The following ZBTB20 variants were observed in gnomAD, a reference collection of about 807,000 sequenced individuals.
The protein encoded by ZBTB20 is zinc finger and BTB domain-containing protein 20.
A neutral mutation model predicts 56.9 loss-of-function variants in ZBTB20; 9 were observed. The observed-to-expected ratio is 0.16, with a 90% confidence interval of 0.10 to 0.28. The LOEUF is 0.28. Ranked by LOEUF, ZBTB20 falls within the 10% of genes least tolerant of loss-of-function variation. The probability of loss-of-function intolerance (pLI) is 1.00; values close to 1 mark genes in which losing one functional copy is unlikely to be tolerated. For missense variants in ZBTB20, 655 were observed against 1,003.0 expected (o/e 0.65, Z 4.69); for synonymous variants, 417 against 420.7 (o/e 0.99, Z 0.11).
chr3:115,082,618 T>G (rs1242917108), intron 1 of ZBTB20, among the ~76,000 whole-genome samples: 1 of 152,008 alleles, frequency 6.6e-6, no homozygotes, highest in Admixed American at 6.6e-5. Context: ...GCCTTATACT[T>G]GAGCCTGAAT....
At chr3:114,675,127 C>T (rs1419598991) in intron 6 of ZBTB20, among the ~76,000 whole-genome samples, 1 of 150,050 alleles carries the variant, frequency 6.7e-6, no homozygotes, top group African/African-American at 2.4e-5. Context: ...ATTTTATTTG[C>T]TGTATAGCTA....
In ZBTB20 at chr3:114,315,567, C is replaced by CAGAG. The variant is rs201184862; in HGVS notation, c.*23437_*23438insCTCT. ...TGTGTGTATTTTAGGTCTAAACATA[C>CAGAG]AGTGTGTGTGTGTGTGTGTGTGTGT... On this transcript the variant is annotated 3_prime_UTR_variant, in exon 12 of 12. Transcript: ENST00000675478. 1 of 34,942 alleles carries CAGAG rather than the reference C, an allele frequency of 2.9e-5. No individual in the cohort carries two copies. Among genetic ancestry groups the CAGAG allele is most frequent in the African/African-American group, 9.2e-5 (1 of 10,918 alleles). The allele number at this position is 34,942 out of a possible 1,614,324, so 2.2% of individuals were successfully genotyped here.
intron 4 of ZBTB20, among the ~76,000 whole-genome samples, chr3:114,823,443 G>C (rs2108927472): frequency 6.6e-6 from 1 of 151,748 alleles, no homozygotes; most frequent in East Asian, 1.9e-4. Flanking sequence ...ATTTTCCAAA[G>C]AAAGGACTTA....
At chr3:115,025,662 T>C (rs1299751949) in intron 2 of ZBTB20, among the ~76,000 whole-genome samples, 1 of 150,498 alleles carries the variant, frequency 6.6e-6, no homozygotes, top group Non-Finnish European at 1.5e-5. Context: ...AGGAAAAAAA[T>C]TAGTATCTGT....
intron 7 of ZBTB20, 89 bp downstream of exon 7, chr3:114,500,263 A>G (rs2043794733): frequency 6.6e-6 from 1 of 152,220 alleles, no homozygotes; most frequent in African/African-American, 2.4e-5. Context: ...AACCACAACA[A>G]AGTCAACTAG....
intron 6 of ZBTB20, among the ~76,000 whole-genome samples, chr3:114,650,915 C>T (rs2060094858): frequency 6.6e-6 from 1 of 151,928 alleles, no homozygotes; most frequent in African/African-American, 2.4e-5. Context: ...TTTACAATAT[C>T]ATTTATCATT....
intron 1 of ZBTB20, among the ~76,000 whole-genome samples, chr3:115,071,933 C>T (rs1454385046): frequency 1.3e-5 from 2 of 152,070 alleles, no homozygotes; most frequent in Non-Finnish European, 2.9e-5. Flanking sequence ...GTCATGCATG[C>T]CAGAGGGATG....
chr3:114,367,968 T>C (rs1181842769), intron 10 of ZBTB20, among the ~76,000 whole-genome samples: 1 of 152,136 alleles, frequency 6.6e-6, no homozygotes, highest in Non-Finnish European at 1.5e-5. Flanking sequence ...CCTCAGTCGT[T>C]CTCAGGGGGA....
chr3:114,451,748 G>C (rs376301209), intron 7 of ZBTB20, among the ~76,000 whole-genome samples: 1 of 152,128 alleles, frequency 6.6e-6, no homozygotes, highest in Non-Finnish European at 1.5e-5. Context: ...AGGACACGTC[G>C]CCAAGAACTG....
At chr3:114,639,482 T>TC (rs1329883696) in intron 6 of ZBTB20, among the ~76,000 whole-genome samples, 1 of 65,796 alleles carries the variant, frequency 1.5e-5, no homozygotes, top group African/African-American at 6.0e-5. Context: ...TTTTTTTTTT[T>TC]CTCTCCTAGA....
At chr3:115,024,054 A>T (rs1422890617) in intron 2 of ZBTB20, among the ~76,000 whole-genome samples, 1 of 151,094 alleles carries the variant, frequency 6.6e-6, no homozygotes, top group East Asian at 1.9e-4. Flanking sequence ...AATGTATAGC[A>T]TATGGAAAGT....
At chr3:114,512,399 ACTT>A (rs2045508103) in intron 6 of ZBTB20, among the ~76,000 whole-genome samples, 1 of 152,118 alleles carries the variant, frequency 6.6e-6, no homozygotes, top group Admixed American at 6.6e-5. Flanking sequence ...ACTGGATTCT[ACTT>A]CTGCCCTCAA....
intron 2 of ZBTB20, among the ~76,000 whole-genome samples, chr3:115,058,879 T>G (rs2081913056): frequency 6.6e-6 from 1 of 152,214 alleles, no homozygotes; most frequent in South Asian, 2.1e-4. Context: ...TTTTCTCAGA[T>G]TGTGTGTGTG....
intron 4 of ZBTB20, among the ~76,000 whole-genome samples, chr3:114,850,706 A>T (rs910165627): frequency 1.3e-5 from 2 of 152,184 alleles, no homozygotes; most frequent in Non-Finnish European, 2.9e-5. Flanking sequence ...CATAATAACG[A>T]TCACTCTTTC....
chr3:114,968,721 C>G (rs1447273341), intron 3 of ZBTB20, among the ~76,000 whole-genome samples: 1 of 152,142 alleles, frequency 6.6e-6, no homozygotes, highest in Non-Finnish European at 1.5e-5. Context: ...AAATAATCAT[C>G]AAAAGAAATG....
intron 6 of ZBTB20, among the ~76,000 whole-genome samples, chr3:114,515,675 C>G (rs1456906403): frequency 6.6e-6 from 1 of 152,146 alleles, no homozygotes; most frequent in Non-Finnish European, 1.5e-5. Flanking sequence ...AATGGCACTT[C>G]CTATCACTCC....
chr3:114,807,545 A>C (rs1307367253), intron 4 of ZBTB20, among the ~76,000 whole-genome samples: 1 of 151,708 alleles, frequency 6.6e-6, no homozygotes, highest in Non-Finnish European at 1.5e-5. Context: ...ACAATGTTGA[A>C]CAGAAGACAT....
At chr3:114,711,257 A>C (rs1180131104) in intron 5 of ZBTB20, among the ~76,000 whole-genome samples, 5 of 152,188 alleles carry the variant, frequency 3.3e-5, no homozygotes, top group Non-Finnish European at 7.3e-5. Context: ...GTTTCATAGG[A>C]AACTTTGTTT....
At chr3:114,966,385 A>T (rs1481213023) in intron 3 of ZBTB20, among the ~76,000 whole-genome samples, 2 of 152,170 alleles carry the variant, frequency 1.3e-5, no homozygotes, top group African/African-American at 2.4e-5. Context: ...GAAATTGTTT[A>T]AAAAAGTTTT....
Sources: allele counts gnomAD v4.1 joint callset (sites outside exome capture counted in the v4.1 genomes callset), GRCh38; gene constraint gnomAD v4.1.1; transcripts MANE v1.5; gene names NCBI Gene and HGNC (gene_info 2026-07-23, HGNC 2026-07-21).